TENM2: variants seen among roughly 807,000 people sequenced by gnomAD.
The protein encoded by TENM2 is teneurin transmembrane protein 2, also known as teneurin-2.
A neutral mutation model predicts 245.2 loss-of-function variants in TENM2; 52 were observed. The observed-to-expected ratio is 0.21, with a 90% confidence interval of 0.17 to 0.27. The LOEUF is 0.27. TENM2 is among the 10% of genes least tolerant of loss of function. TENM2 has a pLI of 1.00. For synonymous variants in TENM2, 1,363 were observed against 1,438.9 expected (o/e 0.95, Z 1.19); for missense variants, 3,046 against 3,666.8 (o/e 0.83, Z 4.37).
chr5:167,336,977 C>A (rs1405967336), intron 1 of TENM2, among the ~76,000 whole-genome samples: 1 of 149,572 alleles, frequency 6.7e-6, no homozygotes, highest in African/African-American at 2.5e-5. Context: ...ATTAGCCGGG[C>A]GCGGTGGCGG....
intron 1 of TENM2, among the ~76,000 whole-genome samples, chr5:167,316,852 A>G (rs1438597255): frequency 6.6e-6 from 1 of 152,208 alleles, no homozygotes; most frequent in African/African-American, 2.4e-5. Flanking sequence ...CTCATATTGC[A>G]TAAGACAGTT....
chr5:168,191,449 A>T (rs1034074872), intron 14 of TENM2, among the ~76,000 whole-genome samples: 1 of 152,030 alleles, frequency 6.6e-6, no homozygotes, highest in African/African-American at 2.4e-5. Context: ...TCGATGGTGT[A>T]TGCTGATGCA....
intron 2 of TENM2, among the ~76,000 whole-genome samples, chr5:167,753,836 C>G (rs1357696325): frequency 6.6e-6 from 1 of 152,148 alleles, no homozygotes. Context: ...TTCCATGGTG[C>G]ATAACAGACA....
Position 168,227,885 on chromosome 5 carries a change from A to G in TENM2, c.5285-10A>G, listed in dbSNP as rs375514376. The G allele has an allele frequency of 3.1e-5, 48 of 1,572,610 alleles. No homozygotes were observed. The highest frequency in any genetic ancestry group is 2.3e-4 in the South Asian group (20 of 88,470). Reference sequence around the variant, plus strand: ...TTTCCCTATCCCCACCCCCACTTACATTTTTCCAGATCAAGTTCGGAACAG... The same window carrying G: ...TTTCCCTATCCCCACCCCCACTTACGTTTTTCCAGATCAAGTTCGGAACAG... On this transcript the variant is annotated splice_polypyrimidine_tract_variant and intron_variant, in intron 24 of 28. Coordinates refer to ENST00000518659, the Ensembl canonical transcript of TENM2.
At chr5:167,657,182 G>C (rs1754900383) in intron 2 of TENM2, among the ~76,000 whole-genome samples, 1 of 152,018 alleles carries the variant, frequency 6.6e-6, no homozygotes, top group Non-Finnish European at 1.5e-5. Flanking sequence ...TCATGTTTTT[G>C]TTTGCTTTTG....
chr5:167,139,565 A>C, the TENM2 span, among the ~76,000 whole-genome samples: 1 of 152,210 alleles, frequency 6.6e-6, no homozygotes, highest in Non-Finnish European at 1.5e-5. Flanking sequence ...TGGTAAAATA[A>C]ATTGTAGAAG....
intron 2 of TENM2, among the ~76,000 whole-genome samples, chr5:167,496,785 G>A (rs775799778): frequency 6.6e-6 from 1 of 152,032 alleles, no homozygotes. Flanking sequence ...TAGAACCGGG[G>A]ATGCTAGCCA....
At chr5:167,774,290 G>A (rs1252545043) in intron 2 of TENM2, among the ~76,000 whole-genome samples, 2 of 151,934 alleles carry the variant, frequency 1.3e-5, no homozygotes, top group Non-Finnish European at 2.9e-5. Flanking sequence ...TCAGGTGGAT[G>A]AAATATCCTG....
At chr5:168,086,569 G>C (rs1792476030) in intron 7 of TENM2, among the ~76,000 whole-genome samples, 1 of 152,130 alleles carries the variant, frequency 6.6e-6, no homozygotes, top group Admixed American at 6.5e-5. Flanking sequence ...AAGCGGCTTT[G>C]GGAGGCAAAC....
intron 13 of TENM2, among the ~76,000 whole-genome samples, chr5:168,184,008 G>C (rs1416582060): frequency 6.6e-6 from 1 of 152,144 alleles, no homozygotes. Flanking sequence ...GGGGAACCAG[G>C]TGACTAAGAT....
At chr5:167,365,979 AAAC>A (rs1166967669) in intron 1 of TENM2, among the ~76,000 whole-genome samples, 1 of 151,918 alleles carries the variant, frequency 6.6e-6, no homozygotes, top group Non-Finnish European at 1.5e-5. Context: ...AAGGTATAGA[AAAC>A]AACAATTGAA....
chr5:167,952,625 C>T (rs1360628359), exon 4 of TENM2: 4 of 1,612,476 alleles, frequency 2.5e-6, no homozygotes, highest in East Asian at 4.5e-5. Flanking sequence ...CTCTGAGGCC[C>T]CCTCTCCCAC....
At chr5:167,690,923 A>ATG (rs375456466) in intron 2 of TENM2, among the ~76,000 whole-genome samples, 3,895 of 78,664 alleles carry the variant, frequency 0.05, 68 homozygotes, top group Middle Eastern at 0.15. Flanking sequence ...ATATGCGAGT[A>ATG]TGTGTGTGTG....
intron 2 of TENM2, among the ~76,000 whole-genome samples, chr5:167,403,997 C>T (rs1762500121): frequency 6.6e-6 from 1 of 151,374 alleles, no homozygotes; most frequent in Non-Finnish European, 1.5e-5. Flanking sequence ...TGTTTTAAAA[C>T]ATGTGGAACA....
At chr5:167,810,021 AG>A (rs1049150363) in intron 2 of TENM2, among the ~76,000 whole-genome samples, 2 of 152,148 alleles carry the variant, frequency 1.3e-5, no homozygotes, top group African/African-American at 4.8e-5. Flanking sequence ...ATGGGTGCCA[AG>A]GTTAGATCTT....
chr5:167,230,485 A>G, the TENM2 span, among the ~76,000 whole-genome samples: 1 of 152,054 alleles, frequency 6.6e-6, no homozygotes, highest in Non-Finnish European at 1.5e-5. Flanking sequence ...GGTTCTTCTT[A>G]GTGGAGGAGG....
intron 1 of TENM2, among the ~76,000 whole-genome samples, chr5:167,292,040 G>A (rs1581676627): frequency 6.6e-6 from 1 of 152,080 alleles, no homozygotes; most frequent in East Asian, 1.9e-4. Context: ...CTGTACAGAG[G>A]AACTGCCCTT....
intron 1 of TENM2, among the ~76,000 whole-genome samples, chr5:167,336,049 C>T (rs1185584663): frequency 6.6e-6 from 1 of 152,122 alleles, no homozygotes; most frequent in Non-Finnish European, 1.5e-5. Context: ...CCTTGTAATC[C>T]CATCTTATTG....
the TENM2 span, among the ~76,000 whole-genome samples, chr5:167,061,433 A>G: frequency 6.6e-6 from 1 of 152,170 alleles, no homozygotes; most frequent in African/African-American, 2.4e-5. Context: ...GGACACAGAT[A>G]ATTTAACAGG....
Sources: allele counts gnomAD v4.1 joint callset (sites outside exome capture counted in the v4.1 genomes callset), GRCh38; gene constraint gnomAD v4.1.1; transcripts MANE v1.5; gene names NCBI Gene and HGNC (gene_info 2026-07-23, HGNC 2026-07-21).